Variants in PHACTR1 observed in about 807,000 individuals in gnomAD.
PHACTR1 encodes RPEL repeat containing 1.
Under a neutral mutation model 69.2 loss-of-function variants are expected in PHACTR1, and 16 were observed. That is an observed-to-expected ratio of 0.23 (90% CI 0.16 to 0.35). The LOEUF (loss-of-function observed/expected upper bound fraction) is 0.35. Ranked by LOEUF, PHACTR1 falls within the 10% of genes least tolerant of loss-of-function variation. The pLI, the probability that PHACTR1 is intolerant of heterozygous loss-of-function variation, is 1.00. For synonymous variants in PHACTR1, 312 were observed against 284.5 expected, an observed-to-expected ratio of 1.10 and a Z score of -0.97; for missense variants, 510 against 734.7, an observed-to-expected ratio of 0.69 and a Z score of 3.54.
intron 4 of PHACTR1, among the ~76,000 whole-genome samples, chr6:12,962,083 C>A (rs572582651): frequency 6.6e-6 from 1 of 152,128 alleles, no homozygotes; most frequent in East Asian, 1.9e-4. Flanking sequence ...GGTATGACAC[C>A]ACCTTAGCTA....
chr6:12,981,665 A>G (rs1795537273), intron 4 of PHACTR1, among the ~76,000 whole-genome samples: 1 of 152,098 alleles, frequency 6.6e-6, no homozygotes, highest in Non-Finnish European at 1.5e-5. Context: ...ACTCATATTC[A>G]TTTCCCATCC....
chr6:12,756,243 G>C (rs1453783966), intron 4 of PHACTR1, among the ~76,000 whole-genome samples: 9 of 152,084 alleles, frequency 5.9e-5, no homozygotes. Flanking sequence ...GGTGAAAAAG[G>C]GGACATACAT....
At chr6:12,957,695 G>T in intron 4 of PHACTR1, 1 of 985,574 alleles carries the variant, frequency 1.0e-6, no homozygotes, top group Non-Finnish European at 1.2e-6. Context: ...GCGGTTTTAG[G>T]TTAGAAAAGG....
intron 8 of PHACTR1, among the ~76,000 whole-genome samples, chr6:13,210,842 A>G (rs1766701438): frequency 6.6e-6 from 1 of 151,624 alleles, no homozygotes. Flanking sequence ...AAGTTTCCTC[A>G]AATTAGATTA....
At chr6:13,194,949 TGC>T (rs1764163173) in intron 7 of PHACTR1, among the ~76,000 whole-genome samples, 1 of 152,206 alleles carries the variant, frequency 6.6e-6, no homozygotes, top group Non-Finnish European at 1.5e-5. Context: ...GGTTTTCACA[TGC>T]TGACCTGGCT....
chr6:12,974,049 G>A (rs1187195805), intron 4 of PHACTR1, among the ~76,000 whole-genome samples: 9 of 150,938 alleles, frequency 6.0e-5, no homozygotes, highest in Non-Finnish European at 1.3e-4. Flanking sequence ...AGCCTCCCGA[G>A]TAACTGGAAC....
Position 12,718,730 on chromosome 6 carries a change from T to C in PHACTR1, c.-15T>C, listed in dbSNP as rs1272090431. On this transcript the variant is annotated 5_prime_UTR_variant, in exon 3 of 15. Coordinates refer to ENST00000332995, the MANE Select transcript of PHACTR1 (RefSeq NM_030948.6). ...CAGTGTTTTCTCTCAAAACTCTGTG[T>C]TTGGAACATCAAGGATGGATTATCC... 4.8e-6 allele frequency: 7 copies of C among 1,452,474 alleles called. No homozygotes were observed. Among genetic ancestry groups the C allele is most frequent in the Non-Finnish European group, 5.6e-6 (6 of 1,067,592 alleles). The allele number at this position is 1,452,474 out of a possible 1,614,324, so 90.0% of individuals were successfully genotyped here. A position where few individuals can be genotyped will look rare whatever the true frequency, so the allele number is the denominator to read the frequency against.
At chr6:13,070,256 A>G (rs934468445) in intron 5 of PHACTR1, among the ~76,000 whole-genome samples, 3 of 152,132 alleles carry the variant, frequency 2.0e-5, no homozygotes, top group Admixed American at 2.0e-4. Flanking sequence ...GGGTTTCCCC[A>G]GAATTCTTTG....
chr6:12,749,483 C>T (rs934903520), intron 3 of PHACTR1, 161 bp from the exon 4 acceptor site: 5 of 664,624 alleles, frequency 7.5e-6, no homozygotes, highest in African/African-American at 1.8e-5. Flanking sequence ...TTCTCTCTCC[C>T]TTTTTTTTCC....
At chr6:13,191,178 T>G (rs1460832427) in intron 7 of PHACTR1, among the ~76,000 whole-genome samples, 2 of 152,142 alleles carry the variant, frequency 1.3e-5, no homozygotes, top group Admixed American at 1.3e-4. Flanking sequence ...CTCCCAGTAA[T>G]CCCAGTGCAA....
chr6:12,942,813 C>T (rs1271063914), intron 4 of PHACTR1, among the ~76,000 whole-genome samples: 1 of 152,186 alleles, frequency 6.6e-6, no homozygotes, highest in Non-Finnish European at 1.5e-5. Flanking sequence ...ACAAGTCAAT[C>T]TTCCTGACCG....
intron 5 of PHACTR1, among the ~76,000 whole-genome samples, chr6:13,115,400 C>G (rs1019099157): frequency 6.6e-6 from 1 of 152,206 alleles, no homozygotes; most frequent in Non-Finnish European, 1.5e-5. Context: ...CTTTCTCTCT[C>G]TCTCTCTCAC....
chr6:13,140,690 A>G, intron 5 of PHACTR1, among the ~76,000 whole-genome samples: 1 of 152,220 alleles, frequency 6.6e-6, no homozygotes, highest in South Asian at 2.1e-4. Flanking sequence ...TTACAAGTTG[A>G]AAAAGTTCTG....
chr6:12,991,914 T>C (rs1796863929), intron 4 of PHACTR1, among the ~76,000 whole-genome samples: 1 of 151,552 alleles, frequency 6.6e-6, no homozygotes, highest in South Asian at 2.1e-4. Context: ...TACTCAATTA[T>C]GGCACTGACA....
intron 4 of PHACTR1, among the ~76,000 whole-genome samples, chr6:13,013,421 C>T (rs1285507821): frequency 2.6e-5 from 4 of 152,206 alleles, no homozygotes; most frequent in Non-Finnish European, 5.9e-5. Context: ...CGAGGTTTCC[C>T]AGTGCAGCGC....
intron 5 of PHACTR1, among the ~76,000 whole-genome samples, chr6:13,128,120 T>G (rs1819828778): frequency 6.7e-6 from 1 of 150,342 alleles, no homozygotes; most frequent in Admixed American, 6.7e-5. Flanking sequence ...GAATTACAAT[T>G]CAAGATGAGA....
chr6:12,722,793 G>A (rs1220005425), intron 3 of PHACTR1, among the ~76,000 whole-genome samples: 1 of 152,152 alleles, frequency 6.6e-6, no homozygotes, highest in Non-Finnish European at 1.5e-5. Flanking sequence ...CCTCCTGTTT[G>A]CCTCCTGTCA....
intron 8 of PHACTR1, among the ~76,000 whole-genome samples, chr6:13,218,244 C>A (rs2127265505): frequency 6.6e-6 from 1 of 152,204 alleles, no homozygotes; most frequent in East Asian, 1.9e-4. Flanking sequence ...CCCTTGATTC[C>A]CTACAAGAGT....
intron 4 of PHACTR1, among the ~76,000 whole-genome samples, chr6:12,801,092 GA>G (rs1210089294): frequency 1.3e-5 from 2 of 152,136 alleles, no homozygotes; most frequent in East Asian, 3.8e-4. Context: ...TAATAATGCT[GA>G]AAATAGATGT....
Sources: allele counts gnomAD v4.1 joint callset (sites outside exome capture counted in the v4.1 genomes callset), GRCh38; gene constraint gnomAD v4.1.1; transcripts MANE v1.5; gene names NCBI Gene and HGNC (gene_info 2026-07-23, HGNC 2026-07-21).